Variants in BIRC6 observed in about 807,000 individuals in gnomAD.
BIRC6 encodes baculoviral IAP repeat containing 6, also known as dual E2 ubiquitin-conjugating enzyme/E3 ubiquitin-protein ligase BIRC6.
BIRC6 carries 98 observed loss-of-function variants against 503.3 expected under a neutral mutation model. The observed-to-expected ratio is 0.19, with a 90% CI of 0.17 to 0.23. The LOEUF (loss-of-function observed/expected upper bound fraction) is 0.23, where lower values mean the gene tolerates loss of function less well. Among genes scored for constraint, BIRC6 ranks in the 10% least tolerant of loss-of-function variants. The probability of loss-of-function intolerance (pLI) is 1.00; values close to 1 mark genes in which losing one functional copy is unlikely to be tolerated. For missense variants in BIRC6, 5,360 were observed against 5,806.0 expected (o/e 0.92, Z 2.50); for synonymous variants, 2,240 against 2,078.7 (o/e 1.08, Z -2.11).
intron 22 of BIRC6, among the ~76,000 whole-genome samples, chr2:32,451,858 TAGAG>T (rs1040194129): frequency 2.0e-5 from 3 of 152,194 alleles, no homozygotes; most frequent in African/African-American, 4.8e-5. Flanking sequence ...AGTCTGATAT[TAGAG>T]AGTGTAATTT....
At position 32,486,478 on chromosome 2, in the gene BIRC6, G is replaced by A. The variant is rs533228415; in HGVS notation, c.7813+719G>A. ...ACAAGTCTGGAACTGGGTAGACCTC[G>A]GAGGAGTACAGTTGAAATAGCACGG... is the stretch of plus-strand genomic sequence containing the variant. On this transcript the variant is annotated intron_variant, in intron 40 of 73. Transcript: ENST00000421745. Among the ~76,000 whole-genome samples the A allele has an allele frequency of 3.3e-5, 5 of 152,254 alleles. 1 individual carries two copies. Among genetic ancestry groups the A allele is most frequent in the East Asian group, 3.9e-4 (2 of 5,182 alleles).
chr2:32,583,056 A>C (rs1026910143), intron 66 of BIRC6, among the ~76,000 whole-genome samples: 4 of 152,216 alleles, frequency 2.6e-5, no homozygotes, highest in African/African-American at 9.6e-5. Context: ...AGTTTGGTGC[A>C]TGATAATTAC....
chr2:32,431,181 CTTTTTTTTTTTTTTTTTTTT>C lies in BIRC6; in HGVS notation c.3248+104_3248+123del, dbSNP rs10610125. On this transcript the variant is annotated intron_variant, in intron 12 of 73. Transcript: ENST00000421745. ...AATTCCTAGGTATATTACTGTTTATCTTTTTTTTTTTTTTTTTTTTTTTTTTTTTTTTGAGACAGAGTCTC... is the reference window on the plus strand; with the variant it reads ...AATTCCTAGGTATATTACTGTTTATCTTTTTTTTTTTTGAGACAGAGTCTC... 10 of 69,336 alleles carry C rather than the reference CTTTTTTTTTTTTTTTTTTTT, an allele frequency of 1.4e-4. 1 individual carries two copies. Among genetic ancestry groups the C allele is most frequent in the East Asian group, 1.4e-3 (4 of 2,820 alleles). 4.3% of individuals were successfully genotyped at this position (69,336 alleles called of 1,614,324 possible). A position where few individuals can be genotyped will look rare whatever the true frequency, so the allele number is the denominator to read the frequency against.
At chr2:32,461,680 A>T (rs2048011272) in intron 23 of BIRC6, among the ~76,000 whole-genome samples, 1 of 151,510 alleles carries the variant, frequency 6.6e-6, no homozygotes, top group Non-Finnish European at 1.5e-5. Flanking sequence ...CTTATTTTTT[A>T]ATTTTATTAG....
chr2:32,461,822 G>A (rs560509967), intron 23 of BIRC6, among the ~76,000 whole-genome samples: 41 of 152,106 alleles, frequency 2.7e-4, no homozygotes, highest in Admixed American at 9.8e-4. Context: ...TAGAAAATGG[G>A]ATTATTTTTG....
chr2:32,602,396 C>T (rs1012624399), intron 70 of BIRC6: 1 of 151,882 alleles, frequency 6.6e-6, no homozygotes, highest in Non-Finnish European at 1.5e-5. Context: ...TCTCAATCAA[C>T]GTAGAGAGTA....
Position 32,424,447 on chromosome 2 carries a change from C to T in BIRC6, c.2873-4699C>T, listed in dbSNP as rs1355386496. On this transcript the variant is annotated intron_variant, in intron 10 of 73. Coordinates refer to ENST00000421745, the MANE Select transcript of BIRC6 (RefSeq NM_016252.4). ...ATTGGTGTACAAATATTTGAGTACC[C>T]GTTTTCAGTTGTTTTGGGTATATAC... Among the ~76,000 whole-genome samples the T allele has an allele frequency of 3.3e-5, 5 of 151,328 alleles. 1 individual carries two copies. The highest frequency in any genetic ancestry group is 3.5e-3 in the Middle Eastern group (1 of 286).
intron 54 of BIRC6, among the ~76,000 whole-genome samples, chr2:32,513,799 C>T (rs1310951341): frequency 2.6e-5 from 4 of 152,110 alleles, no homozygotes; most frequent in Non-Finnish European, 5.9e-5. Flanking sequence ...ATCCCAGTTA[C>T]TTGGGAGGCT....
At chr2:32,570,166 A>G (rs1001023002) in intron 65 of BIRC6, among the ~76,000 whole-genome samples, 8 of 152,158 alleles carry the variant, frequency 5.3e-5, no homozygotes, top group African/African-American at 1.2e-4. Context: ...TGAAATGACT[A>G]TAGAGTTTTT....
chr2:32,377,803 C>G (rs747173698), intron 2 of BIRC6, 34 bp downstream of exon 2: 1 of 1,550,234 alleles, frequency 6.5e-7, no homozygotes, highest in Non-Finnish European at 8.8e-7. Context: ...TGGTCCTCTA[C>G]TTAATGTAAT....
At chr2:32,553,844 G>T (rs1253201838) in intron 65 of BIRC6, among the ~76,000 whole-genome samples, 1 of 152,088 alleles carries the variant, frequency 6.6e-6, no homozygotes, top group Middle Eastern at 3.2e-3. Flanking sequence ...TTAATAATTT[G>T]TTTCTTATTG....
In BIRC6 at chr2:32,549,387, G is replaced by A. The variant is rs372710228; in HGVS notation, c.13050G>A (p.Gly4350=). 2 of 1,519,440 alleles carry A rather than the reference G, an allele frequency of 1.3e-6. No homozygotes were observed. The highest frequency in any genetic ancestry group is 1.4e-5 in the African/African-American group (1 of 73,770). The allele number at this position is 1,519,440 out of a possible 1,614,324, so 94.1% of individuals were successfully genotyped here. ...GEAQSSHETR[G]QNSNALPSVL... Reference sequence around the variant, plus strand: ...CTCAGTCATCTCATGAGACTAGAGGGCAGAACAGTAATGCCCTTCCTTCTG... The same window carrying A: ...CTCAGTCATCTCATGAGACTAGAGGACAGAACAGTAATGCCCTTCCTTCTG... Residue 4350 remains glycine, a synonymous_variant, in exon 65 of 74, where the codon GGG becomes GGA. Coordinates refer to ENST00000421745, the MANE Select transcript of BIRC6 (RefSeq NM_016252.4).
At chr2:32,575,633 C>T (rs774534685) in intron 66 of BIRC6, among the ~76,000 whole-genome samples, 3 of 152,026 alleles carry the variant, frequency 2.0e-5, no homozygotes, top group Non-Finnish European at 2.9e-5. Context: ...GGCATGGTGG[C>T]GGGCACCTGT....
In BIRC6 at chr2:32,515,790, T is replaced by G. The variant is rs754741557; in HGVS notation, c.11349+20T>G. On this transcript the variant is annotated intron_variant, in intron 55 of 73. Transcript: ENST00000421745. ...GCACAGGTAAGACAAAAAAATAACT[T>G]ACATTTTAGTTGTTTTATTACATAA... 6.4e-7 allele frequency: 1 copy of G among 1,566,892 alleles called. No homozygotes were observed. The highest frequency in any genetic ancestry group is 8.6e-7 in the Non-Finnish European group (1 of 1,163,668).
intron 6 of BIRC6, among the ~76,000 whole-genome samples, chr2:32,398,807 T>C (rs958159112): frequency 6.6e-6 from 1 of 152,096 alleles, no homozygotes; most frequent in African/African-American, 2.4e-5. Flanking sequence ...AGGGGTAAGG[T>C]ACGCTAGATT....
intron 49 of BIRC6, among the ~76,000 whole-genome samples, chr2:32,504,100 A>AT (rs2053532494): frequency 6.9e-6 from 1 of 145,686 alleles, no homozygotes; most frequent in South Asian, 2.2e-4. Flanking sequence ...GGGTTTCACC[A>AT]TGTTGTCCAG....
intron 65 of BIRC6, chr2:32,557,380 G>T (rs2058856095): frequency 6.6e-6 from 1 of 152,124 alleles, no homozygotes; most frequent in Non-Finnish European, 1.5e-5. Flanking sequence ...TGTACTCTTA[G>T]AAAAATGGTT....
chr2:32,447,620 C>G (rs1164800914), intron 21 of BIRC6, among the ~76,000 whole-genome samples: 1 of 121,830 alleles, frequency 8.2e-6, no homozygotes, highest in Non-Finnish European at 1.8e-5. Flanking sequence ...CCCCCCACCT[C>G]CCTCCCGGAC....
chr2:32,441,752 TG>T (rs1281212384), intron 17 of BIRC6, among the ~76,000 whole-genome samples: 1 of 152,172 alleles, frequency 6.6e-6, no homozygotes, highest in African/African-American at 2.4e-5. Context: ...ACTCAAGACG[TG>T]GGGGTAGGAG....
Sources: allele counts gnomAD v4.1 joint callset (sites outside exome capture counted in the v4.1 genomes callset), GRCh38; gene constraint gnomAD v4.1.1; transcripts MANE v1.5; gene names NCBI Gene and HGNC (gene_info 2026-07-23, HGNC 2026-07-21).